The following SHISA9 variants were observed in gnomAD, a reference collection of about 807,000 sequenced individuals.
The protein encoded by SHISA9 is protein shisa-9.
A neutral mutation model predicts 38.0 loss-of-function variants in SHISA9; 13 were observed. The ratio of observed to expected loss-of-function variants is 0.34; its 90% CI spans 0.22 to 0.54. SHISA9 has a LOEUF of 0.54. Among genes scored for constraint, SHISA9 ranks in the 20% least tolerant of loss-of-function variants. The probability of loss-of-function intolerance (pLI) is 0.91; values close to 1 mark genes in which losing one functional copy is unlikely to be tolerated. For missense variants in SHISA9, 538 were observed against 575.8 expected (o/e 0.93, Z 0.67); for synonymous variants, 275 against 242.0 (o/e 1.14, Z -1.27).
In SHISA9 at chr16:13,236,913, GT is replaced by G. The variant is rs1398260673; in HGVS notation, c.*1506del. 1 of 152,118 alleles carries G rather than the reference GT, an allele frequency of 6.6e-6. No homozygotes were observed. Among genetic ancestry groups the G allele is most frequent in the Non-Finnish European group, 1.5e-5 (1 of 68,038 alleles). The allele number at this position is 152,118 out of a possible 1,614,324, so 9.4% of individuals were successfully genotyped here. Reference sequence around the variant, plus strand: ...AGAATGTCCTGAGGTTGTTTTTCTGGTTGGTTCTCATAATCCATAGTCCTTG... The same window carrying G: ...AGAATGTCCTGAGGTTGTTTTTCTGGTGGTTCTCATAATCCATAGTCCTTG... On this transcript the variant is annotated 3_prime_UTR_variant, in exon 5 of 5. Transcript: ENST00000558583.
chr16:13,319,949 A>T, the SHISA9 span, among the ~76,000 whole-genome samples: 4 of 152,018 alleles, frequency 2.6e-5, no homozygotes, highest in Non-Finnish European at 5.9e-5. Context: ...AATTATAATC[A>T]TTTCTTAGCC....
intron 2 of SHISA9, among the ~76,000 whole-genome samples, chr16:12,991,960 T>A (rs1567174874): frequency 6.6e-6 from 1 of 152,096 alleles, no homozygotes; most frequent in Admixed American, 6.6e-5. Flanking sequence ...TATTAAGTTT[T>A]AAAAAAAGTC....
intron 2 of SHISA9, among the ~76,000 whole-genome samples, chr16:12,996,084 C>T (rs964643798): frequency 2.0e-5 from 3 of 152,302 alleles, no homozygotes; most frequent in Non-Finnish European, 2.9e-5. Flanking sequence ...GTGATGTACA[C>T]GTGCCTCTTT....
the SHISA9 span, among the ~76,000 whole-genome samples, chr16:13,477,691 G>A: frequency 3.1e-4 from 47 of 152,308 alleles, no homozygotes; most frequent in African/African-American, 9.1e-4. Flanking sequence ...TGGGCCAGGC[G>A]CGATGGCTCA....
the SHISA9 span, among the ~76,000 whole-genome samples, chr16:13,553,387 A>G: frequency 1.3e-5 from 2 of 152,164 alleles, no homozygotes; most frequent in African/African-American, 4.8e-5. Context: ...TGTGCTTTAC[A>G]TGATCTGTTT....
chr16:13,048,782 T>A (rs1369788609), intron 2 of SHISA9, among the ~76,000 whole-genome samples: 2 of 152,312 alleles, frequency 1.3e-5, no homozygotes, highest in East Asian at 3.9e-4. Flanking sequence ...AGAAGTTCTG[T>A]TCTAAGACAA....
At chr16:13,195,165 A>G (rs1472836983) in intron 2 of SHISA9, among the ~76,000 whole-genome samples, 1 of 152,232 alleles carries the variant, frequency 6.6e-6, no homozygotes, top group Non-Finnish European at 1.5e-5. Context: ...TTATTCTCCA[A>G]TAAAATGAAC....
the SHISA9 span, among the ~76,000 whole-genome samples, chr16:13,338,821 G>T: frequency 6.6e-6 from 1 of 152,172 alleles, no homozygotes; most frequent in South Asian, 2.1e-4. Context: ...TAAAGCAAAA[G>T]TCACGATAAT....
the SHISA9 span, among the ~76,000 whole-genome samples, chr16:13,382,573 G>A: frequency 5.4e-5 from 8 of 149,522 alleles, no homozygotes; most frequent in South Asian, 2.1e-4. Context: ...AAAAACAGGC[G>A]TGGTGGCTTT....
chr16:13,189,859 A>T (rs1271084590), intron 2 of SHISA9, among the ~76,000 whole-genome samples: 2 of 152,184 alleles, frequency 1.3e-5, no homozygotes, highest in African/African-American at 2.4e-5. Flanking sequence ...GCCTCTCACT[A>T]TGTGGCTGGT....
the SHISA9 span, among the ~76,000 whole-genome samples, chr16:13,248,843 G>A: frequency 1.2e-4 from 19 of 152,152 alleles, no homozygotes; most frequent in African/African-American, 4.6e-4. Context: ...CAGAAGTTAC[G>A]TAGAAGAAGG....
At chr16:13,290,610 G>T in the SHISA9 span, among the ~76,000 whole-genome samples, 4 of 152,142 alleles carry the variant, frequency 2.6e-5, no homozygotes, top group Non-Finnish European at 5.9e-5. Context: ...AAGATAAGCT[G>T]GGAGTGACAA....
At chr16:13,154,244 G>A (rs2050523619) in intron 2 of SHISA9, among the ~76,000 whole-genome samples, 1 of 152,150 alleles carries the variant, frequency 6.6e-6, no homozygotes, top group African/African-American at 2.4e-5. Flanking sequence ...TAGCTGTTGT[G>A]GTAGTCATTA....
intron 2 of SHISA9, among the ~76,000 whole-genome samples, chr16:13,117,097 C>A (rs142130698): frequency 6.6e-6 from 1 of 152,110 alleles, no homozygotes; most frequent in East Asian, 1.9e-4. Flanking sequence ...CTCAGCCTCC[C>A]GAGTAGCTGG....
chr16:13,520,866 A>C, the SHISA9 span, among the ~76,000 whole-genome samples: 1 of 152,156 alleles, frequency 6.6e-6, no homozygotes, highest in African/African-American at 2.4e-5. Context: ...ACTGACATAT[A>C]ATAATTGCAC....
chr16:12,980,080 C>T lies in SHISA9; in HGVS notation c.691+63265C>T, dbSNP rs534884868. On this transcript the variant is annotated intron_variant, in intron 2 of 4. Transcript: ENST00000558583. The stretch of plus-strand genomic sequence containing the variant: ...GAACCACACTTTGAGTAGGGTTTTG[C>T]GACTTTTAATCCTGTGCTTTTATAG... Among the ~76,000 whole-genome samples the T allele has an allele frequency of 3.9e-5, 6 of 152,184 alleles. No individual in the cohort carries two copies. The East Asian group carries it at 5.8e-4, about 15-fold the overall frequency.
At chr16:13,389,618 A>C in the SHISA9 span, among the ~76,000 whole-genome samples, 7 of 152,210 alleles carry the variant, frequency 4.6e-5, no homozygotes, top group African/African-American at 1.4e-4. Context: ...TTTACAGCCC[A>C]GGGATCATAG....
chr16:13,271,578 G>A, the SHISA9 span, among the ~76,000 whole-genome samples: 11 of 152,176 alleles, frequency 7.2e-5, no homozygotes, highest in African/African-American at 1.9e-4. Flanking sequence ...TGACACACAC[G>A]ACATCATGAA....
the SHISA9 span, among the ~76,000 whole-genome samples, chr16:13,470,130 CA>C: frequency 6.6e-6 from 1 of 151,686 alleles, no homozygotes; most frequent in Non-Finnish European, 1.5e-5. Flanking sequence ...TTTATTTATT[CA>C]AAAATAAGAA....
Sources: allele counts gnomAD v4.1 joint callset (sites outside exome capture counted in the v4.1 genomes callset), GRCh38; gene constraint gnomAD v4.1.1; transcripts MANE v1.5; gene names NCBI Gene and HGNC (gene_info 2026-07-23, HGNC 2026-07-21).